Variants in MYO5B observed in about 807,000 individuals in gnomAD.
MYO5B encodes unconventional myosin-Vb.
A neutral mutation model predicts 229.3 loss-of-function variants in MYO5B; 143 were observed. The observed-to-expected ratio is 0.62, with a 90% CI of 0.54 to 0.72. MYO5B has a LOEUF of 0.72. Among genes scored for constraint, MYO5B ranks in the 30% least tolerant of loss-of-function variants. MYO5B has a pLI of 0.00. For missense variants in MYO5B, 2,321 were observed against 2,331.0 expected, an observed-to-expected ratio of 1.00 and a Z score of 0.09; for synonymous variants, 918 against 885.2, an observed-to-expected ratio of 1.04 and a Z score of -0.66.
Position 49,894,974 on chromosome 18 carries a change from G to A in MYO5B, c.3012C>T (p.Asp1004=), listed in dbSNP as rs751289175. 47 of 1,613,330 alleles carry A rather than the reference G, an allele frequency of 2.9e-5. No individual in the cohort carries two copies. Among genetic ancestry groups the A allele is most frequent in the Admixed American group, 1.7e-4 (10 of 60,010 alleles). ...GCTCATCTTTCTCCCTGCTGTGGGC[G>A]TCCTCCAAGATCTTGCGCTCCGAGT... ...RAHSERKILE[D]AHSREKDELR... is the part of the protein sequence containing the mutation. The change falls in exon 22 of 40, where the codon GAC becomes GAT. Residue 1004 remains aspartate, a synonymous_variant. Coordinates refer to ENST00000285039, the MANE Select transcript of MYO5B (RefSeq NM_001080467.3).
chr18:49,894,827 T>A (rs1175679560), intron 22 of MYO5B, 114 bp downstream of exon 22: 1 of 899,246 alleles, frequency 1.1e-6, no homozygotes, highest in Non-Finnish European at 1.8e-6. Flanking sequence ...TCTGTGCACA[T>A]GAGCCCAAGA....
In MYO5B at chr18:49,879,037, C is replaced by T; in HGVS notation, c.3184G>A (p.Glu1062Lys). Residue 1062 changes from glutamate (E) to lysine (K), a missense_variant, in exon 24 of 40, where the codon GAG (glutamate) becomes AAG (lysine). Physicochemically the swap from Glu to Lys is moderately conservative, Grantham distance 56. Coordinates refer to ENST00000285039, the MANE Select transcript of MYO5B (RefSeq NM_001080467.3). ...KENLMKKELE[E>K]ERSRYQNLVK... is the part of the protein sequence containing the mutation. ...AGGTTCTGGTACCGGGATCGCTCCT[C>T]CTCCAGTTCTTTCTTCATGAGATTT... 1 of 1,601,236 alleles carries T rather than the reference C, an allele frequency of 6.2e-7. No individual in the cohort carries two copies. The highest frequency in any genetic ancestry group is 8.5e-7 in the Non-Finnish European group (1 of 1,176,464).
At chr18:50,123,190 G>A (rs950705953) in intron 1 of MYO5B, among the ~76,000 whole-genome samples, 4 of 152,262 alleles carry the variant, frequency 2.6e-5, no homozygotes, top group Middle Eastern at 3.4e-3. Flanking sequence ...GGCACAAAAA[G>A]TCACATATTA....
chr18:50,016,955 C>A (rs369854163), intron 4 of MYO5B, among the ~76,000 whole-genome samples: 2 of 151,916 alleles, frequency 1.3e-5, no homozygotes, highest in East Asian at 3.9e-4. Flanking sequence ...CCCTTCACCC[C>A]ATCTCTACCC....
At chr18:50,052,178 C>A (rs1285044400) in intron 2 of MYO5B, among the ~76,000 whole-genome samples, 1 of 152,134 alleles carries the variant, frequency 6.6e-6, no homozygotes, top group Admixed American at 6.5e-5. Flanking sequence ...CTAGAAATAC[C>A]TTTTGACCCA....
At chr18:49,983,168 G>C (rs1028756912) in intron 8 of MYO5B, among the ~76,000 whole-genome samples, 5 of 152,180 alleles carry the variant, frequency 3.3e-5, no homozygotes, top group South Asian at 2.1e-4. Context: ...TTATCAAACT[G>C]AAGCTGGGCC....
rs767666638 is a variant in MYO5B, at chr18:49,906,545, T to C, written c.2288A>G (p.Lys763Arg). 1.9e-6 allele frequency: 3 copies of C among 1,614,172 alleles called. No individual in the cohort carries two copies. The highest frequency in any genetic ancestry group is 1.1e-5 in the South Asian group (1 of 91,076). The change falls in exon 19 of 40, where the codon AAG (lysine) becomes AGG (arginine). Residue 763 changes from lysine to arginine, a missense_variant. Physicochemically the swap from Lys to Arg is conservative, Grantham distance 26 (BLOSUM62 2). This residue lies in a region of MYO5B where 2,113 missense variants were observed against 2,044.7 expected (regional missense o/e 1.03). Coordinates refer to ENST00000285039, the MANE Select transcript of MYO5B (RefSeq NM_001080467.3). ...GATCATGATGGTGGCTGTCCGGAAC[T>C]TGTCAGCCCGCAGCTTCTCCAGGTA... ...VAYLEKLRADKFRTATIMIQK... is the reference protein window; with the variant it reads ...VAYLEKLRADRFRTATIMIQK...
intron 20 of MYO5B, among the ~76,000 whole-genome samples, chr18:49,903,298 A>G (rs1270396277): frequency 1.3e-5 from 2 of 152,106 alleles, no homozygotes; most frequent in Non-Finnish European, 2.9e-5. Flanking sequence ...AAGTTAAAAA[A>G]CCACTCAGGA....
intron 27 of MYO5B, among the ~76,000 whole-genome samples, chr18:49,867,857 C>A (rs1448946190): frequency 6.6e-6 from 1 of 152,080 alleles, no homozygotes; most frequent in African/African-American, 2.4e-5. Context: ...CCACAGTAAA[C>A]AGTAATGGAT....
intron 1 of MYO5B, among the ~76,000 whole-genome samples, chr18:50,066,679 G>A (rs899734827): frequency 5.9e-5 from 9 of 152,214 alleles, no homozygotes; most frequent in African/African-American, 2.2e-4. Flanking sequence ...CATGAAACCA[G>A]TTGTGACTTT....
intron 1 of MYO5B, among the ~76,000 whole-genome samples, chr18:50,122,368 G>A (rs1299680453): frequency 1.4e-5 from 2 of 142,516 alleles, no homozygotes; most frequent in Non-Finnish European, 3.0e-5. Context: ...TTCGCAGGCC[G>A]AGGCAGGCAG....
At chr18:49,916,179 T>C (rs576021774) in intron 17 of MYO5B, among the ~76,000 whole-genome samples, 4 of 152,264 alleles carry the variant, frequency 2.6e-5, no homozygotes, top group African/African-American at 4.8e-5. Context: ...GGGGAAATAA[T>C]TGAAGCATCA....
intron 1 of MYO5B, among the ~76,000 whole-genome samples, chr18:50,129,124 G>A (rs999308150): frequency 6.6e-6 from 1 of 152,230 alleles, no homozygotes; most frequent in Admixed American, 6.5e-5. Context: ...AGGCCCCACG[G>A]TGGTGGGAGC....
chr18:50,116,043 A>G (rs149683584), intron 1 of MYO5B, among the ~76,000 whole-genome samples: 33 of 152,268 alleles, frequency 2.2e-4, no homozygotes, highest in African/African-American at 6.5e-4. Flanking sequence ...TCAGGGTGTA[A>G]GACACTAACC....
chr18:50,146,952 C>G (rs1347237766), intron 1 of MYO5B, among the ~76,000 whole-genome samples: 1 of 152,148 alleles, frequency 6.6e-6, no homozygotes, highest in African/African-American at 2.4e-5. Context: ...GAGTATTTTT[C>G]ACTGCCCTCC....
At chr18:50,140,024 G>GAAA (rs74176754) in intron 1 of MYO5B, among the ~76,000 whole-genome samples, 1 of 151,862 alleles carries the variant, frequency 6.6e-6, no homozygotes, top group African/African-American at 2.4e-5. Flanking sequence ...AACCTAGGGG[G>GAAA]AAAAAAACTT....
At chr18:49,877,143 G>A (rs1021432845) in intron 25 of MYO5B, among the ~76,000 whole-genome samples, 2 of 152,130 alleles carry the variant, frequency 1.3e-5, no homozygotes, top group African/African-American at 4.8e-5. Context: ...ACACACACGC[G>A]CGCATGTGCC....
Position 49,823,582 on chromosome 18 carries a change from G to A in MYO5B, c.*2889C>T, listed in dbSNP as rs903841472. 5.1e-5 allele frequency: 6 copies of A among 118,254 alleles called. No homozygotes were observed. Among genetic ancestry groups the A allele is most frequent in the African/African-American group, 9.4e-5 (3 of 31,892 alleles). 7.3% of individuals were successfully genotyped at this position (118,254 alleles called of 1,614,324 possible). A position where few individuals can be genotyped will look rare whatever the true frequency, so the allele number is the denominator to read the frequency against. On this transcript the variant is annotated 3_prime_UTR_variant, in exon 40 of 40. Coordinates refer to ENST00000285039, the MANE Select transcript of MYO5B (RefSeq NM_001080467.3). ...TTAACTGTTCCAAGCTCCTAGTTTT[G>A]TTTTGTTTTTACAAAAGCCTTAAAA...
intron 5 of MYO5B, among the ~76,000 whole-genome samples, chr18:50,000,023 A>G (rs1327274595): frequency 6.6e-6 from 1 of 152,272 alleles, no homozygotes; most frequent in Non-Finnish European, 1.5e-5. Context: ...AACACGTTGT[A>G]TCCTGTTACT....
Sources: allele counts gnomAD v4.1 joint callset (sites outside exome capture counted in the v4.1 genomes callset), GRCh38; gene constraint gnomAD v4.1.1; regional missense constraint gnomAD v4.1.1; transcripts MANE v1.5; gene names NCBI Gene and HGNC (gene_info 2026-07-23, HGNC 2026-07-21).